Variants in SERINC2 observed in about 807,000 individuals in gnomAD.
SERINC2 encodes the protein tumor differentially expressed protein 2.
In SERINC2, 56 loss-of-function variants were observed where a neutral mutation model predicts 54.2. The observed-to-expected ratio is 1.03, with a 90% CI of 0.83 to 1.29. The LOEUF is 1.29. Ranked by LOEUF, SERINC2 falls within the 50% of genes most tolerant of loss-of-function variation. SERINC2 has a pLI of 0.00. For synonymous variants in SERINC2, 272 were observed against 253.1 expected (o/e 1.07, Z -0.71); for missense variants, 614 against 607.4 (o/e 1.01, Z -0.12).
At chr1:31,428,666 C>T (rs1641108339) in intron 6 of SERINC2, among the ~76,000 whole-genome samples, 2 of 152,094 alleles carry the variant, frequency 1.3e-5, no homozygotes, top group African/African-American at 4.8e-5. Context: ...GCAGACTCTC[C>T]AGACGGAGAG....
rs1553134991 is a variant in SERINC2, at chr1:31,432,980, G to T, written c.1027G>T (p.Asp343Tyr). Residue 343 changes from aspartate (D) to tyrosine (Y), a missense_variant, in exon 9 of 10, where the codon GAC (aspartate) becomes TAC (tyrosine). Asp to Tyr is a radical substitution (Grantham distance 160). Transcript: ENST00000373709. ...CTLFISLRSS[D>Y]HRQVNSLMQT... The stretch of plus-strand genomic sequence containing the variant: ...CCTCCCCTGCAGTCTGCGCTCCTCA[G>T]ACCACCGGCAGGTGAACAGCCTGAT... 4 of 1,611,044 alleles carry T rather than the reference G, an allele frequency of 2.5e-6. No individual in the cohort carries two copies. Among genetic ancestry groups the T allele is most frequent in the Non-Finnish European group, 3.4e-6 (4 of 1,179,372 alleles).
At chr1:31,428,934 T>A (rs782235883) in intron 6 of SERINC2, 44 bp from the exon 7 acceptor site, 11 of 1,515,520 alleles carry the variant, frequency 7.3e-6, no homozygotes, top group Admixed American at 3.4e-5. Flanking sequence ...TGGGGTGGGG[T>A]GTCTCTGGTC....
chr1:31,426,904 C>T (rs1357400798), intron 6 of SERINC2, 81 bp downstream of exon 6: 1 of 1,327,156 alleles, frequency 7.5e-7, no homozygotes, highest in Non-Finnish European at 1.0e-6. Flanking sequence ...GGTCCTGGGG[C>T]TAGGGCTGTC....
chr1:31,414,455 G>GTGTGTGTGTGTGTGTGT (rs68141221), intron 1 of SERINC2: 1 of 601,164 alleles, frequency 1.7e-6, no homozygotes, highest in African/African-American at 3.7e-5. Flanking sequence ...GTGTGTGTGT[G>GTGTGTGTGTGTGTGTGT]AGAGAGAGAG....
Position 31,413,902 on chromosome 1 carries a change from C to CGTCCCTCA in SERINC2, c.39+602_39+609dup. 1 of 1,454,218 alleles carries CGTCCCTCA rather than the reference C, an allele frequency of 6.9e-7. No homozygotes were observed. 90.1% of individuals were successfully genotyped at this position (1,454,218 alleles called of 1,614,324 possible). ...CTGTCCGTCTGCCCGTCCGCCCGTCCGTCCCTCAGTCTCTCTGCGGTCCCT... is the reference window on the plus strand; with the variant it reads ...CTGTCCGTCTGCCCGTCCGCCCGTCCGTCCCTCAGTCCCTCAGTCTCTCTGCGGTCCCT... On this transcript the variant is annotated intron_variant, in intron 1 of 9. Coordinates refer to ENST00000373709, the MANE Select transcript of SERINC2 (RefSeq NM_178865.5). The surrounding 1 kb of genome is among the most constrained non-coding windows in gnomAD (Gnocchi z 5.0).
rs375111742 is a variant in SERINC2, at chr1:31,434,170, C to T, written c.1339C>T (p.Leu447Phe). ...CTACCTGTGGACCCTGGTAGCCCCA[C>T]TCCTCCTGCGCAACCGCGACTTCAG... Reference protein sequence around the residue: ...LLYLWTLVAPLLLRNRDFS With the variant: ...LLYLWTLVAPFLLRNRDFS Residue 447 changes from leucine to phenylalanine, a missense_variant, in exon 10 of 10, where the codon CTC becomes TTC. By Grantham distance (22) the Leu-to-Phe change is conservative. Transcript: ENST00000373709. The T allele has an allele frequency of 1.7e-5, 27 of 1,613,590 alleles. No homozygotes were observed. In the Admixed American group the frequency reaches 2.0e-4, roughly 12 times the overall value.
At position 31,432,994 on chromosome 1, in the gene SERINC2, G is replaced by A. The variant is rs782441992; in HGVS notation, c.1041G>A (p.Val347=). 2 of 1,612,152 alleles carry A rather than the reference G, an allele frequency of 1.2e-6. No individual in the cohort carries two copies. The highest frequency in any genetic ancestry group is 1.7e-6 in the Non-Finnish European group (2 of 1,179,718). Residue 347 remains valine (V), a synonymous_variant, in exon 9 of 10, where the codon GTG becomes GTA. Coordinates refer to ENST00000373709, the MANE Select transcript of SERINC2 (RefSeq NM_178865.5). The part of the protein sequence containing the change: ...ISLRSSDHRQ[V]NSLMQTEECP... ...TGCGCTCCTCAGACCACCGGCAGGTGAACAGCCTGATGCAGACCGAGGAGT... is the reference window on the plus strand; with the variant it reads ...TGCGCTCCTCAGACCACCGGCAGGTAAACAGCCTGATGCAGACCGAGGAGT...
intron 4 of SERINC2, 47 bp downstream of exon 4, chr1:31,425,456 G>C (rs1553133446): frequency 2.9e-6 from 4 of 1,382,706 alleles, no homozygotes; most frequent in Non-Finnish European, 4.1e-6. Context: ...GGAGGGAAGT[G>C]GGGCGGCAGG....
At chr1:31,431,486 T>C (rs1270364560) in intron 8 of SERINC2, among the ~76,000 whole-genome samples, 1 of 151,966 alleles carries the variant, frequency 6.6e-6, no homozygotes, top group Non-Finnish European at 1.5e-5. Context: ...GAGCACATGG[T>C]GGCCGGTGGC....
upstream of SERINC2, chr1:31,410,072 C>A: frequency 9.1e-7 from 1 of 1,102,384 alleles, no homozygotes; most frequent in Non-Finnish European, 1.3e-6. Flanking sequence ...ATGACCCCTA[C>A]ATGTTTATTT....
chr1:31,414,477 A>AGAGAGAGAGAGAGAGAGAGAGGG (rs1640735962), intron 1 of SERINC2: 1 of 842,876 alleles, frequency 1.2e-6, no homozygotes, highest in African/African-American at 3.2e-5. Context: ...GAGAGAGAGG[A>AGAGAGAGAGAGAGAGAGAGAGGG]GGGGGTGTAG....
chr1:31,427,824 CTTTTTTTTT>C (rs71035099), intron 6 of SERINC2, among the ~76,000 whole-genome samples: 6 of 76,576 alleles, frequency 7.8e-5, no homozygotes, highest in Admixed American at 1.6e-4. Context: ...TTCTTTCTTT[CTTTTTTTTT>C]TTTTTTTTTT....
At chr1:31,421,971 T>G (rs2148516110) in intron 1 of SERINC2, among the ~76,000 whole-genome samples, 1 of 152,252 alleles carries the variant, frequency 6.6e-6, no homozygotes, top group African/African-American at 2.4e-5. Flanking sequence ...TCCTCATCCC[T>G]CTGCTCTCAG....
Position 31,413,401 on chromosome 1 carries a change from C to A in SERINC2, c.39+97C>A. 3.0e-6 allele frequency: 2 copies of A among 670,734 alleles called. No homozygotes were observed. The highest frequency in any genetic ancestry group is 4.1e-6 in the Non-Finnish European group (2 of 485,404). 41.5% of individuals were successfully genotyped at this position (670,734 alleles called of 1,614,324 possible). A position where few individuals can be genotyped will look rare whatever the true frequency, so the allele number is the denominator to read the frequency against. On this transcript the variant is annotated intron_variant, in intron 1 of 9. Transcript: ENST00000373709. This position sits in a 1 kb window ranked among gnomAD's most constrained non-coding sequence, Gnocchi z 5.0. ...CTGCTCCGAGTAGTTTCTTCTTTTT[C>A]CTTCCTGCAAACTTGTCTTTCTGGG...
upstream of SERINC2, chr1:31,409,846 G>A (rs1206251949): frequency 7.7e-6 from 12 of 1,558,128 alleles, no homozygotes; most frequent in Non-Finnish European, 1.0e-5. Context: ...TCATGGACGG[G>A]AGGATGGTAA....
chr1:31,432,899 C>T (rs1641354486), intron 8 of SERINC2, 68 bp from the exon 9 acceptor site: 2 of 1,289,320 alleles, frequency 1.6e-6, no homozygotes, highest in African/African-American at 1.5e-5. Context: ...GCTCTGGGAC[C>T]ATTTGTGTCC....
In SERINC2 at chr1:31,431,934, GGTGGTT is replaced by G. The variant is rs1553134604; in HGVS notation, c.1014-1032_1014-1027del. ...TGGATAGGGTGGTTAGGGTGGATAGGGTGGTTAGGGTGGTTAGGGTGGTTAGGGTGG... is the reference window on the plus strand; with the variant it reads ...TGGATAGGGTGGTTAGGGTGGATAGGAGGGTGGTTAGGGTGGTTAGGGTGG... On this transcript the variant is annotated intron_variant, in intron 8 of 9. Transcript: ENST00000373709. 2.1e-3 allele frequency among the ~76,000 whole-genome samples: 256 copies of G among 119,758 alleles called. 17 individuals are homozygous for G. Among genetic ancestry groups the G allele is most frequent in the Middle Eastern group, 8.6e-3 (2 of 232 alleles). The allele number at this position is 119,758 out of a possible 152,430, so 78.6% of individuals were successfully genotyped here. A position where few individuals can be genotyped will look rare whatever the true frequency, so the allele number is the denominator to read the frequency against.
In SERINC2 at chr1:31,433,021, C is replaced by A; in HGVS notation, c.1068C>A (p.Cys356Ter). The part of the protein sequence containing the change: ...QVNSLMQTEE[C>*]PPMLDATQQQ... Reference sequence around the variant, plus strand: ...ACAGCCTGATGCAGACCGAGGAGTGCCCACCTATGCTAGACGCCACACAGC... The same window carrying A: ...ACAGCCTGATGCAGACCGAGGAGTGACCACCTATGCTAGACGCCACACAGC... The change falls in exon 9 of 10, where the codon TGC (cysteine) becomes TGA (stop). Residue 356 changes from cysteine (C) to a stop codon, truncating the protein, a stop_gained. Transcript: ENST00000373709. LOFTEE classifies it high-confidence loss of function. 6.2e-7 allele frequency: 1 copy of A among 1,600,252 alleles called. No individual in the cohort carries two copies. The highest frequency in any genetic ancestry group is 8.5e-7 in the Non-Finnish European group (1 of 1,176,606).
chr1:31,432,705 C>T (rs1463146875), intron 8 of SERINC2, among the ~76,000 whole-genome samples: 1 of 152,126 alleles, frequency 6.6e-6, no homozygotes, highest in African/African-American at 2.4e-5. Flanking sequence ...GTCTAGTCCC[C>T]CCAGCAGCCC....
Sources: allele counts gnomAD v4.1 joint callset (sites outside exome capture counted in the v4.1 genomes callset), GRCh38; gene constraint gnomAD v4.1.1; non-coding constraint Gnocchi (gnomAD v3.1); transcripts MANE v1.5; gene names NCBI Gene and HGNC (gene_info 2026-07-23, HGNC 2026-07-21).